DHDH: variants seen among roughly 807,000 people sequenced by gnomAD.
The protein encoded by DHDH is trans-1,2-dihydrobenzene-1,2-diol dehydrogenase.
A neutral mutation model predicts 33.2 loss-of-function variants in DHDH; 29 were observed. The observed-to-expected ratio is 0.87, with a 90% CI of 0.65 to 1.19. The LOEUF is 1.19. Ranked by LOEUF, DHDH falls within the 50% of genes most tolerant of loss-of-function variation. The pLI, the probability that DHDH is intolerant of heterozygous loss-of-function variation, is 0.00. For synonymous variants in DHDH, 201 were observed against 187.9 expected (o/e 1.07, Z -0.57); for missense variants, 431 against 455.0 (o/e 0.95, Z 0.48).
At chr19:48,940,349 C>G (rs964733256) in intron 4 of DHDH, among the ~76,000 whole-genome samples, 9 of 147,188 alleles carry the variant, frequency 6.1e-5, no homozygotes, top group African/African-American at 1.5e-4. Flanking sequence ...AGTGAGACTC[C>G]ATCTCAAAAA....
At chr19:48,937,692 G>A (rs11881232) in intron 3 of DHDH, among the ~76,000 whole-genome samples, 52,320 of 150,960 alleles carry the variant, frequency 0.35, 12,436 homozygotes, top group African/African-American at 0.67. Context: ...GGCGCCTGTA[G>A]TCCCAGCTAC....
intron 4 of DHDH, among the ~76,000 whole-genome samples, chr19:48,941,985 C>CAT (rs978940043): frequency 1.7e-4 from 22 of 132,234 alleles, no homozygotes; most frequent in South Asian, 1.3e-3. Flanking sequence ...GACTGTACTT[C>CAT]GTGTGTGTGT....
chr19:48,935,978 C>T, intron 2 of DHDH, 54 bp from the exon 3 acceptor site: 10 of 1,551,752 alleles, frequency 6.4e-6, no homozygotes, highest in Non-Finnish European at 8.7e-6. Context: ...GTGGGCGGAG[C>T]TCGGCTGTCT....
upstream of DHDH, among the ~76,000 whole-genome samples, chr19:48,933,036 A>G (rs978144628): frequency 1.3e-5 from 2 of 152,180 alleles, no homozygotes; most frequent in African/African-American, 4.8e-5. Flanking sequence ...CAAGCAAAGC[A>G]GCCTGGTTTC....
At position 48,944,358 on chromosome 19, in the gene DHDH, T is replaced by A. The variant is rs1313188154; in HGVS notation, c.746T>A (p.Leu249His). The stretch of plus-strand genomic sequence containing the variant: ...GTGCCACTTCTTCTCTCCCTCCAGC[T>A]CCTCAACCCCTGCTGGTGCCCGACC... ...SVSGTKGMVQLLNPCWCPTEL... is the reference protein window; with the variant it reads ...SVSGTKGMVQHLNPCWCPTEL... Residue 249 changes from leucine (L) to histidine (H), a missense_variant and splice_region_variant, in exon 6 of 7, where the codon CTC (leucine) becomes CAC (histidine). Coordinates refer to ENST00000221403, the MANE Select transcript of DHDH (RefSeq NM_014475.4). 6.2e-7 allele frequency: 1 copy of A among 1,613,776 alleles called. No homozygotes were observed. Among genetic ancestry groups the A allele is most frequent in the Non-Finnish European group, 8.5e-7 (1 of 1,179,992 alleles).
intron 1 of DHDH, among the ~76,000 whole-genome samples, chr19:48,934,551 G>A (rs1270459441): frequency 6.6e-6 from 1 of 152,166 alleles, no homozygotes; most frequent in Non-Finnish European, 1.5e-5. Context: ...ACCTACCTGT[G>A]GCTGGAGGCG....
chr19:48,937,895 T>C (rs1350068343), intron 3 of DHDH, among the ~76,000 whole-genome samples: 1 of 151,614 alleles, frequency 6.6e-6, no homozygotes, highest in Non-Finnish European at 1.5e-5. Context: ...CGTGACATTC[T>C]TTCTCTGGGC....
intron 3 of DHDH, among the ~76,000 whole-genome samples, chr19:48,937,683 G>T (rs28375355): frequency 1.3e-5 from 2 of 151,852 alleles, no homozygotes; most frequent in Non-Finnish European, 2.9e-5. Flanking sequence ...GTGGTGGCGG[G>T]CGCCTGTAGT....
At chr19:48,936,512 T>C (rs2037777816) in intron 3 of DHDH, among the ~76,000 whole-genome samples, 1 of 151,660 alleles carries the variant, frequency 6.6e-6, no homozygotes, top group African/African-American at 2.4e-5. Flanking sequence ...CTGGCTAACA[T>C]GGTGAAACCC....
chr19:48,937,504 C>T (rs1255665538), intron 3 of DHDH, among the ~76,000 whole-genome samples: 1 of 151,626 alleles, frequency 6.6e-6, no homozygotes, highest in African/African-American at 2.4e-5. Context: ...GGCGAAACTC[C>T]GTCTCTACTA....
rs759727317 is a variant in DHDH at position 48,933,716 on chromosome 19, G to C, written c.-6G>C. The C allele has an allele frequency of 9.3e-6, 15 of 1,613,186 alleles. No homozygotes were observed. Among genetic ancestry groups the C allele is most frequent in the Non-Finnish European group, 1.3e-5 (15 of 1,179,970 alleles). On this transcript the variant is annotated 5_prime_UTR_variant, in exon 1 of 7. Transcript: ENST00000221403. ...CCGAAGGTGCCGAGGGCTCCGCATC[G>C]CAACCATGGCGCTGCGCTGGGGCAT...
chr19:48,934,263 C>T (rs1393039296), intron 1 of DHDH, among the ~76,000 whole-genome samples: 1 of 152,202 alleles, frequency 6.6e-6, no homozygotes, highest in East Asian at 1.9e-4. Context: ...CATTGCACTG[C>T]GGAAAGCCGC....
intron 6 of DHDH, 43 bp from the exon 7 acceptor site, chr19:48,944,781 G>A (rs776749965): frequency 4.5e-6 from 7 of 1,553,372 alleles, no homozygotes; most frequent in East Asian, 2.3e-5. Context: ...TTGGGTCTTG[G>A]GCGCGTGGGT....
Position 48,938,187 on chromosome 19 carries a change from C to T in DHDH, c.367-1262C>T, listed in dbSNP as rs539920576. Among the ~76,000 whole-genome samples, 12 of 152,132 alleles carry T rather than the reference C, an allele frequency of 7.9e-5. No homozygotes were observed. In the East Asian group the frequency reaches 2.1e-3, roughly 27 times the overall value. ...TCTCGGCTCACTGCAACCTCCGCTG[C>T]CCGGCTTTAAGTGATTCTCCTGCCT... On this transcript the variant is annotated intron_variant, in intron 3 of 6. Transcript: ENST00000221403.
At chr19:48,937,149 TCA>T (rs1424333614) in intron 3 of DHDH, among the ~76,000 whole-genome samples, 1 of 134,290 alleles carries the variant, frequency 7.4e-6, no homozygotes, top group Admixed American at 7.0e-5. Flanking sequence ...AGTCACACAT[TCA>T]CAGACTCCGG....
intron 1 of DHDH, among the ~76,000 whole-genome samples, chr19:48,934,337 G>T (rs1321435693): frequency 6.6e-6 from 1 of 152,232 alleles, no homozygotes; most frequent in Non-Finnish European, 1.5e-5. Context: ...GAAAGCCTGA[G>T]ATATGGCCTC....
rs547584496 is a variant in DHDH at position 48,943,999 on chromosome 19, A to AAAAG, written c.745-338_745-335dup. Among the ~76,000 whole-genome samples the AAAAG allele has an allele frequency of 9.5e-3, 1,446 of 152,040 alleles. 32 individuals are homozygous for AAAAG. The highest frequency in any genetic ancestry group is 0.032 in the African/African-American group (1,329 of 41,400). On this transcript the variant is annotated intron_variant, in intron 5 of 6. Coordinates refer to ENST00000221403, the MANE Select transcript of DHDH (RefSeq NM_014475.4). The stretch of plus-strand genomic sequence containing the variant: ...GACAGAGCGAGACTCCATCTCAAAA[A>AAAAG]AAAGAAAGAAAGAAAGAAAGAAAAT...
chr19:48,936,717 A>AC (rs1555793581), intron 3 of DHDH, among the ~76,000 whole-genome samples: 15 of 151,026 alleles, frequency 9.9e-5, no homozygotes, highest in African/African-American at 3.2e-4. Flanking sequence ...AAAACAAACA[A>AC]AAAAAAAAAC....
intron 3 of DHDH, among the ~76,000 whole-genome samples, chr19:48,937,534 C>T (rs1186082115): frequency 1.3e-5 from 2 of 151,972 alleles, no homozygotes; most frequent in Admixed American, 6.6e-5. Flanking sequence ...AAAAATTGGC[C>T]GGGCGCGGTG....
Sources: allele counts gnomAD v4.1 joint callset (sites outside exome capture counted in the v4.1 genomes callset), GRCh38; gene constraint gnomAD v4.1.1; transcripts MANE v1.5; gene names NCBI Gene and HGNC (gene_info 2026-07-23, HGNC 2026-07-21).